The following RNF141 variants were observed in gnomAD, a reference collection of about 807,000 sequenced individuals.
The protein encoded by RNF141 is ring finger protein 141, also known as C3HC4-like zinc finger protein.
In RNF141, 18 loss-of-function variants were observed where a neutral mutation model predicts 27.4. The ratio of observed to expected loss-of-function variants is 0.66; its 90% CI spans 0.45 to 0.97. The LOEUF is 0.97. Among genes scored for constraint, RNF141 ranks in the 50% least tolerant of loss-of-function variants. RNF141 has a pLI of 0.00. For missense variants in RNF141, 230 were observed against 279.4 expected (o/e 0.82, Z 1.26); for synonymous variants, 97 against 96.6 (o/e 1.00, Z -0.02).
chr11:10,532,731 CTT>C (rs1440452802), intron 2 of RNF141, among the ~76,000 whole-genome samples: 2 of 152,160 alleles, frequency 1.3e-5, no homozygotes, highest in South Asian at 2.1e-4. Flanking sequence ...AAGCATGTCT[CTT>C]ATCACCTAAC....
intron 5 of RNF141, chr11:10,518,274 C>A (rs1849858379): frequency 6.6e-6 from 1 of 152,018 alleles, no homozygotes; most frequent in Non-Finnish European, 1.5e-5. Context: ...CAAAATACAT[C>A]CATAAAATGA....
rs377718978 is a variant in RNF141 at position 10,534,142 on chromosome 11, G to A, written c.17C>T (p.Ser6Leu). MGQQI[S>L]DQTQLVINKL... ...GTTAATAACCAACTGTGTCTGATCC[G>A]AAATTTGCTGTCCCATGATGAAAAG... is the stretch of plus-strand genomic sequence containing the variant. Residue 6 changes from serine to leucine, a missense_variant, in exon 2 of 6, where the codon TCG becomes TTG. Physicochemically the swap from Ser to Leu is moderately radical, Grantham distance 145. Coordinates refer to ENST00000265981, the MANE Select transcript of RNF141 (RefSeq NM_016422.4). 2.5e-5 allele frequency: 40 copies of A among 1,612,664 alleles called. No individual in the cohort carries two copies. The highest frequency in any genetic ancestry group is 3.0e-5 in the Non-Finnish European group (35 of 1,179,350).
Position 10,514,906 on chromosome 11 carries a change from C to T in RNF141, c.*10G>A, listed in dbSNP as rs1437463179. ...GCCCACAATAGCAACAGAAGACTTT[C>T]ACTTCAAGGTCATGGCCTGTGGGGC... On this transcript the variant is annotated 3_prime_UTR_variant, in exon 6 of 6. Transcript: ENST00000265981. 6 of 1,598,886 alleles carry T rather than the reference C, an allele frequency of 3.8e-6. No homozygotes were observed. Among genetic ancestry groups the T allele is most frequent in the Non-Finnish European group, 5.1e-6 (6 of 1,173,064 alleles).
At chr11:10,533,458 GA>G (rs1197912289) in intron 2 of RNF141, among the ~76,000 whole-genome samples, 2 of 151,848 alleles carry the variant, frequency 1.3e-5, no homozygotes, top group Non-Finnish European at 2.9e-5. Flanking sequence ...ATGAATAAAT[GA>G]AATATATTAT....
chr11:10,531,750 T>C, intron 2 of RNF141: 2 of 195,736 alleles, frequency 1.0e-5, no homozygotes, highest in South Asian at 7.2e-5. Flanking sequence ...CTAACAACTC[T>C]CTCTGAGCAC....
intron 5 of RNF141, chr11:10,517,528 A>C (rs1255555864): frequency 3.9e-5 from 6 of 152,124 alleles, no homozygotes; most frequent in Admixed American, 3.9e-4. Context: ...ATAAACCCCA[A>C]GCACAAGAAA....
intron 1 of RNF141, among the ~76,000 whole-genome samples, chr11:10,540,168 A>G (rs1363304552): frequency 6.6e-6 from 1 of 152,140 alleles, no homozygotes; most frequent in Non-Finnish European, 1.5e-5. Flanking sequence ...CTGAATGGGT[A>G]GAGGTCATTT....
intron 1 of RNF141, among the ~76,000 whole-genome samples, chr11:10,536,191 A>G (rs559231749): frequency 5.9e-5 from 9 of 152,300 alleles, no homozygotes; most frequent in African/African-American, 2.2e-4. Flanking sequence ...ACAACATTTT[A>G]CTTGAGGTCA....
At chr11:10,524,560 T>G (rs572947920) in intron 4 of RNF141, among the ~76,000 whole-genome samples, 2 of 152,342 alleles carry the variant, frequency 1.3e-5, no homozygotes, top group South Asian at 4.1e-4. Flanking sequence ...TTTACAAATT[T>G]AAATTATGAT....
chr11:10,531,451 A>G (rs1028110312), intron 2 of RNF141, among the ~76,000 whole-genome samples: 2 of 152,068 alleles, frequency 1.3e-5, no homozygotes, highest in African/African-American at 4.8e-5. Context: ...TAAAGCATGA[A>G]AAACATCTTG....
chr11:10,528,474 T>C (rs534772703), intron 3 of RNF141, among the ~76,000 whole-genome samples: 2 of 152,322 alleles, frequency 1.3e-5, no homozygotes, highest in Admixed American at 6.5e-5. Flanking sequence ...ATACAGATGT[T>C]AGACATATTG....
intron 4 of RNF141, among the ~76,000 whole-genome samples, chr11:10,520,522 T>C (rs1221276091): frequency 1.3e-5 from 2 of 152,202 alleles, no homozygotes; most frequent in Non-Finnish European, 2.9e-5. Flanking sequence ...TTGATAACAA[T>C]GCCTTCTGGA....
At chr11:10,528,784 A>G (rs981879710) in intron 3 of RNF141, among the ~76,000 whole-genome samples, 3 of 152,188 alleles carry the variant, frequency 2.0e-5, no homozygotes, top group African/African-American at 7.2e-5. Flanking sequence ...CTGAGTTCCT[A>G]CTATGTGTAA....
intron 5 of RNF141, chr11:10,517,725 A>G (rs1459456553): frequency 6.6e-6 from 1 of 152,150 alleles, no homozygotes; most frequent in Non-Finnish European, 1.5e-5. Flanking sequence ...ACTGAAAGAA[A>G]AAATACTCTC....
intron 1 of RNF141, among the ~76,000 whole-genome samples, chr11:10,536,291 G>A (rs1387340200): frequency 6.6e-6 from 1 of 152,088 alleles, no homozygotes; most frequent in Non-Finnish European, 1.5e-5. Context: ...GCCTGAGACA[G>A]GAAGCAGCAC....
intron 2 of RNF141, among the ~76,000 whole-genome samples, chr11:10,532,811 T>C (rs2133974582): frequency 6.6e-6 from 1 of 152,332 alleles, no homozygotes; most frequent in East Asian, 1.9e-4. Context: ...GTGACTACAG[T>C]ACTGTAAGTT....
rs1291985717 is a variant in RNF141, at chr11:10,513,762, C to T, written c.*1154G>A. 1 of 151,242 alleles carries T rather than the reference C, an allele frequency of 6.6e-6. No homozygotes were observed. The highest frequency in any genetic ancestry group is 2.4e-5 in the African/African-American group (1 of 41,062). The allele number at this position is 151,242 out of a possible 1,614,324, so 9.4% of individuals were successfully genotyped here. ...TGGTGTGATCTCGGCTCACTGCAAC[C>T]TCCACCTCCTGGGTTCAAGCAATTC... On this transcript the variant is annotated 3_prime_UTR_variant, in exon 6 of 6. Transcript: ENST00000265981.
intron 4 of RNF141, among the ~76,000 whole-genome samples, chr11:10,519,944 TACTAAC>T (rs1052312123): frequency 3.9e-5 from 6 of 152,124 alleles, no homozygotes; most frequent in African/African-American, 9.7e-5. Flanking sequence ...GCCACATATA[TACTAAC>T]ACTAACACTA....
intron 1 of RNF141, among the ~76,000 whole-genome samples, chr11:10,538,704 T>G (rs1233109050): frequency 6.6e-6 from 1 of 152,228 alleles, no homozygotes; most frequent in Non-Finnish European, 1.5e-5. Flanking sequence ...TAGTATTCTT[T>G]TGACTTTTGT....
Sources: allele counts gnomAD v4.1 joint callset (sites outside exome capture counted in the v4.1 genomes callset), GRCh38; gene constraint gnomAD v4.1.1; transcripts MANE v1.5; gene names NCBI Gene and HGNC (gene_info 2026-07-23, HGNC 2026-07-21).